The following ZNF138 variants were observed in gnomAD, a reference collection of about 807,000 sequenced individuals.
The protein encoded by ZNF138 is zinc finger protein 138 (clone pHZ-32).
A neutral mutation model predicts 33.0 loss-of-function variants in ZNF138; 33 were observed. The observed-to-expected ratio is 1.00, with a 90% confidence interval of 0.76 to 1.34. The LOEUF (loss-of-function observed/expected upper bound fraction) is 1.34, where lower values mean the gene tolerates loss of function less well. Ranked by LOEUF, ZNF138 falls within the 40% of genes most tolerant of loss-of-function variation. The pLI, the probability that ZNF138 is intolerant of heterozygous loss-of-function variation, is 0.00. For synonymous variants in ZNF138, 139 were observed against 120.4 expected (o/e 1.15, Z -1.01); for missense variants, 360 against 370.8 (o/e 0.97, Z 0.24).
intron 1 of ZNF138, among the ~76,000 whole-genome samples, chr7:64,802,540 T>C (rs768544032): frequency 6.6e-6 from 1 of 152,000 alleles, no homozygotes; most frequent in Non-Finnish European, 1.5e-5. Context: ...TTTTTTCTTG[T>C]CTCATAATGT....
At chr7:64,859,217 C>T in the ZNF138 span, among the ~76,000 whole-genome samples, 4 of 152,060 alleles carry the variant, frequency 2.6e-5, no homozygotes, top group South Asian at 2.1e-4. Flanking sequence ...TGAGCCACGA[C>T]GCCTGGACAA....
At chr7:64,815,551 A>G in intron 2 of ZNF138, 25 bp from the exon 3 acceptor site, 1 of 1,601,166 alleles carries the variant, frequency 6.2e-7, no homozygotes, top group Non-Finnish European at 8.5e-7. Context: ...TTTTAATAAA[A>G]CAAGTATTGC....
Position 64,832,642 on chromosome 7 carries a change from A to C in ZNF138, c.*440A>C, listed in dbSNP as rs544382443. ...TCCTCACACCTTATGAGACATAAGA[A>C]AATTCATAGTAAAGAGAAACCCTAC... On this transcript the variant is annotated 3_prime_UTR_variant, in exon 4 of 4. Coordinates refer to ENST00000307355, the MANE Select transcript of ZNF138 (RefSeq NM_001271639.2). 7.7e-4 allele frequency: 354 copies of C among 458,082 alleles called. 9 individuals carry two copies. Among genetic ancestry groups the C allele is most frequent in the South Asian group, 6.2e-3 (345 of 55,760 alleles). 28.4% of individuals were successfully genotyped at this position (458,082 alleles called of 1,614,324 possible).
rs1788558192 is a variant in ZNF138 at position 64,815,607 on chromosome 7, G to A, written c.162G>A (p.Glu54=). The part of the protein sequence containing the change: ...DLITCLEQGK[E]PWNMKRHEMV... ...TTACCTGTCTGGAACAAGGAAAAGAGCCCTGGAATATGAAGAGACATGAGA... is the reference window on the plus strand; with the variant it reads ...TTACCTGTCTGGAACAAGGAAAAGAACCCTGGAATATGAAGAGACATGAGA... The change falls in exon 3 of 4, where the codon GAG becomes GAA. Residue 54 remains glutamate (E), a synonymous_variant. Coordinates refer to ENST00000307355, the MANE Select transcript of ZNF138 (RefSeq NM_001271639.2). 10 of 1,612,812 alleles carry A rather than the reference G, an allele frequency of 6.2e-6. No homozygotes were observed. Among genetic ancestry groups the A allele is most frequent in the Non-Finnish European group, 7.6e-6 (9 of 1,179,432 alleles).
chr7:64,836,567 CAG>C (rs1562931668), downstream of ZNF138: 1 of 152,240 alleles, frequency 6.6e-6, no homozygotes, highest in Non-Finnish European at 1.5e-5. Context: ...TCCTAAGGGT[CAG>C]AGATTTGGAG....
the ZNF138 span, among the ~76,000 whole-genome samples, chr7:64,842,152 C>T: frequency 2.0e-5 from 3 of 152,218 alleles, no homozygotes. Flanking sequence ...CAACCTCCGC[C>T]TCTTGGGTGC....
At chr7:64,813,699 G>T (rs1181111287) in intron 1 of ZNF138, among the ~76,000 whole-genome samples, 1 of 152,146 alleles carries the variant, frequency 6.6e-6, no homozygotes, top group African/African-American at 2.4e-5. Context: ...CTCCCAAAGT[G>T]CTGGGATTAC....
chr7:64,834,671 T>C (rs1790310457), downstream of ZNF138, among the ~76,000 whole-genome samples: 1 of 152,222 alleles, frequency 6.6e-6, no homozygotes, highest in African/African-American at 2.4e-5. Context: ...CAATATTGTT[T>C]TTGAATTTTT....
At chr7:64,814,576 C>T (rs1395124452) in intron 1 of ZNF138, among the ~76,000 whole-genome samples, 1 of 152,042 alleles carries the variant, frequency 6.6e-6, no homozygotes, top group Non-Finnish European at 1.5e-5. Context: ...ACCAGCCTGG[C>T]CAACATAGTG....
At chr7:64,812,923 T>C (rs1478013710) in intron 1 of ZNF138, among the ~76,000 whole-genome samples, 2 of 151,100 alleles carry the variant, frequency 1.3e-5, no homozygotes, top group Non-Finnish European at 2.9e-5. Context: ...TGGAATGCCA[T>C]GCGTTTAGTA....
Position 64,832,606 on chromosome 7 carries a change from C to A in ZNF138, c.*404C>A. The A allele has an allele frequency of 2.0e-6, 1 of 508,954 alleles. No individual in the cohort carries two copies. Among genetic ancestry groups the A allele is most frequent in the Non-Finnish European group, 3.7e-6 (1 of 268,150 alleles). 31.5% of individuals were successfully genotyped at this position (508,954 alleles called of 1,614,324 possible). A position where few individuals can be genotyped will look rare whatever the true frequency, so the allele number is the denominator to read the frequency against. On this transcript the variant is annotated 3_prime_UTR_variant, in exon 4 of 4. Coordinates refer to ENST00000307355, the MANE Select transcript of ZNF138 (RefSeq NM_001271639.2). ...TACAAATGTGAAGAATGTGGCAAAG[C>A]TTTTAACCAGTCCTCACACCTTATG...
chr7:64,821,000 TTGA>T (rs1380454728), intron 3 of ZNF138, among the ~76,000 whole-genome samples: 1 of 151,450 alleles, frequency 6.6e-6, no homozygotes, highest in Non-Finnish European at 1.5e-5. Context: ...TTAAAAAAAA[TTGA>T]TGATGGCCAT....
chr7:64,833,046 CT>C lies in ZNF138; in HGVS notation c.*846del. Reference sequence around the variant, plus strand: ...CAAAGCTTTTAACCAAGTCTCAACACTTACTATACATAAGATAATTTATACT... The same window carrying C: ...CAAAGCTTTTAACCAAGTCTCAACACTACTATACATAAGATAATTTATACT... On this transcript the variant is annotated 3_prime_UTR_variant, in exon 4 of 4. Transcript: ENST00000307355. 2.5e-6 allele frequency: 1 copy of C among 394,566 alleles called. No homozygotes were observed. 24.4% of individuals were successfully genotyped at this position (394,566 alleles called of 1,614,324 possible).
chr7:64,818,347 C>A (rs187212685), intron 3 of ZNF138, among the ~76,000 whole-genome samples: 186 of 152,206 alleles, frequency 1.2e-3, no homozygotes, highest in African/African-American at 4.3e-3. Context: ...ATGTATATTT[C>A]TTTATTTAGC....
At chr7:64,813,343 T>TG (rs1056362228) in intron 1 of ZNF138, among the ~76,000 whole-genome samples, 3 of 152,078 alleles carry the variant, frequency 2.0e-5, no homozygotes, top group African/African-American at 7.2e-5. Context: ...AAGAGATCCC[T>TG]GCTCTTTGGG....
chr7:64,795,603 T>C (rs73142715), intron 1 of ZNF138, among the ~76,000 whole-genome samples: 41,916 of 152,146 alleles, frequency 0.28, 7,071 homozygotes, highest in Middle Eastern at 0.37. Flanking sequence ...AAAGATTTGT[T>C]ATCTGTTTGT....
the ZNF138 span, chr7:64,852,538 A>G: frequency 5.7e-6 from 9 of 1,571,658 alleles, no homozygotes; most frequent in Non-Finnish European, 7.0e-6. Context: ...GGTCTTCACC[A>G]TATTTGGGGG....
the ZNF138 span, among the ~76,000 whole-genome samples, chr7:64,844,524 C>A: frequency 6.6e-6 from 1 of 151,904 alleles, no homozygotes; most frequent in East Asian, 1.9e-4. Context: ...CTGTCTACAA[C>A]CTCTCTTCTG....
chr7:64,838,979 G>T, the ZNF138 span, among the ~76,000 whole-genome samples: 1 of 152,290 alleles, frequency 6.6e-6, no homozygotes, highest in East Asian at 1.9e-4. Context: ...CCGTGGACAA[G>T]ATTAATGGCA....
Sources: allele counts gnomAD v4.1 joint callset (sites outside exome capture counted in the v4.1 genomes callset), GRCh38; gene constraint gnomAD v4.1.1; transcripts MANE v1.5; gene names NCBI Gene and HGNC (gene_info 2026-07-23, HGNC 2026-07-21).